GRM4: variants seen among roughly 807,000 people sequenced by gnomAD.
The protein encoded by GRM4 is glutamate metabotropic receptor 4, also known as metabotropic glutamate receptor 4.
Under a neutral mutation model 81.7 loss-of-function variants are expected in GRM4, and 28 were observed. The observed-to-expected ratio is 0.34, with a 90% CI of 0.25 to 0.47. The LOEUF is 0.47. GRM4 is among the 20% of genes least tolerant of loss of function. The pLI, the probability that GRM4 is intolerant of heterozygous loss-of-function variation, is 1.00. For missense variants in GRM4, 948 were observed against 1,290.0 expected (o/e 0.73, Z 4.06); for synonymous variants, 488 against 528.8 (o/e 0.92, Z 1.06).
At chr6:34,151,317 C>G (rs1267506361) in intron 1 of GRM4, among the ~76,000 whole-genome samples, 2 of 152,188 alleles carry the variant, frequency 1.3e-5, no homozygotes, top group Non-Finnish European at 2.9e-5. Context: ...CCTCCTCCTT[C>G]TCTCTCTTGG....
In GRM4 at chr6:34,075,078, C is replaced by T. The variant is rs753151535; in HGVS notation, c.737-13050G>A. Among the ~76,000 whole-genome samples the T allele has an allele frequency of 5.3e-5, 8 of 152,342 alleles. No individual in the cohort carries two copies. In the East Asian group the frequency reaches 5.8e-4, roughly 11 times the overall value. On this transcript the variant is annotated intron_variant, in intron 3 of 10. Transcript: ENST00000538487. The stretch of plus-strand genomic sequence containing the variant: ...GCTGAGTGTGGGACAGGGTCCCTAC[C>T]GAGGTCATGCCCTGGTCTGACCCGC...
At chr6:34,091,329 G>T (rs1768195594) in intron 3 of GRM4, among the ~76,000 whole-genome samples, 1 of 152,174 alleles carries the variant, frequency 6.6e-6, no homozygotes. Flanking sequence ...TGGCATCAGG[G>T]TACGAGGGGG....
In GRM4 at chr6:34,066,754, G is replaced by A. The variant is rs541460449; in HGVS notation, c.737-4726C>T. Among the ~76,000 whole-genome samples, 3 of 152,124 alleles carry A rather than the reference G, an allele frequency of 2.0e-5. No individual in the cohort carries two copies. The South Asian group carries it at 6.2e-4, about 32-fold the overall frequency. On this transcript the variant is annotated intron_variant, in intron 3 of 10. Coordinates refer to ENST00000538487, the MANE Select transcript of GRM4 (RefSeq NM_000841.4). ...TTTTATTTCTTTAAAAAAATAATCA[G>A]AATCAAGCAGATGTGGCAACATGGG...
In GRM4 at chr6:34,111,117, ACAC is replaced by A. The variant is rs1769362948; in HGVS notation, c.520-19021_520-19019del. On this transcript the variant is annotated intron_variant, in intron 2 of 10. Transcript: ENST00000538487. The surrounding 1 kb of genome is among the most constrained non-coding windows in gnomAD (Gnocchi z 5.1). ...GAGGAGACACACACAGGCCACATAC[ACAC>A]ACACACACACACACACACACACACA... is the stretch of plus-strand genomic sequence containing the variant. 3.3e-5 allele frequency: 1 copy of A among 30,516 alleles called. No individual in the cohort carries two copies. The highest frequency in any genetic ancestry group is 7.6e-5 in the Non-Finnish European group (1 of 13,090). The allele number at this position is 30,516 out of a possible 1,614,324, so 1.9% of individuals were successfully genotyped here.
chr6:34,033,153 C>T (rs1000016850), intron 9 of GRM4, among the ~76,000 whole-genome samples: 76 of 152,288 alleles, frequency 5.0e-4, no homozygotes, highest in African/African-American at 1.7e-3. Flanking sequence ...CAGCATGGGC[C>T]GGGCGCCATG....
At chr6:34,125,036 C>T (rs1404863689) in intron 2 of GRM4, among the ~76,000 whole-genome samples, 1 of 152,050 alleles carries the variant, frequency 6.6e-6, no homozygotes, top group Non-Finnish European at 1.5e-5. Context: ...TGCGGTGGCG[C>T]TATCTCTGCT....
rs1416990931 is a variant in GRM4 at position 34,036,134 on chromosome 6, A to G, written c.1976T>C (p.Leu659Pro). ...LGTCSLRRIF[L>P]GLGMSISYAA... The stretch of plus-strand genomic sequence containing the variant: ...ATAGCTGATGCTCATCCCTAGTCCC[A>G]GGAAGATTCGGCGCAGCGAGCAGGT... Residue 659 changes from leucine to proline, a missense_variant, in exon 9 of 11, where the codon CTG becomes CCG. Coordinates refer to ENST00000538487, the MANE Select transcript of GRM4 (RefSeq NM_000841.4). This position sits in a 1 kb window ranked among gnomAD's most constrained non-coding sequence, Gnocchi z 9.0. The G allele has an allele frequency of 6.2e-7, 1 of 1,614,130 alleles. No individual in the cohort carries two copies. The highest frequency in any genetic ancestry group is 8.5e-7 in the Non-Finnish European group (1 of 1,180,058).
intron 2 of GRM4, among the ~76,000 whole-genome samples, chr6:34,099,584 G>A (rs1019479218): frequency 5.3e-5 from 8 of 152,142 alleles, no homozygotes; most frequent in African/African-American, 9.7e-5. Context: ...AGCAGTCCCC[G>A]GCCTTCAGCC....
At position 34,106,458 on chromosome 6, in the gene GRM4, T is replaced by G. The variant is rs561344877; in HGVS notation, c.520-14359A>C. 2.3e-3 allele frequency among the ~76,000 whole-genome samples: 276 copies of G among 121,092 alleles called. 2 individuals carry two copies. The highest frequency in any genetic ancestry group is 0.013 in the South Asian group (50 of 3,846). The allele number at this position is 121,092 out of a possible 152,430, so 79.4% of individuals were successfully genotyped here. ...GAAAGAAAAAACAGAGGCTCCCTTC[T>G]CATAGAGTGAAAACCACAGCTTTCA... On this transcript the variant is annotated intron_variant, in intron 2 of 10. Transcript: ENST00000538487.
chr6:34,146,802 C>A (rs1581744813), upstream of GRM4, among the ~76,000 whole-genome samples: 2 of 152,174 alleles, frequency 1.3e-5, no homozygotes, highest in African/African-American at 4.8e-5. Context: ...ACTCGGCCAA[C>A]CCTAATTTCT....
At position 34,028,151 on chromosome 6, in the gene GRM4, CT is replaced by C; in HGVS notation, c.2657del (p.Lys886SerfsTer71). 1.2e-6 allele frequency: 2 copies of C among 1,613,864 alleles called. No individual in the cohort carries two copies. Among genetic ancestry groups the C allele is most frequent in the South Asian group, 2.2e-5 (2 of 91,066 alleles). On this transcript the variant is annotated frameshift_variant, in exon 10 of 11. Coordinates refer to ENST00000538487, the MANE Select transcript of GRM4 (RefSeq NM_000841.4). LOFTEE classifies it high-confidence loss of function. ...CCTCAAGGTTCTCGCAGAGCTCAGA[CT>C]TGGCCTCTCCGTTGGGCCGGAAGTT... ...KGNFRPNGEA[K>X]SELCENLEAP...
chr6:34,103,622 G>A (rs1768959702), intron 2 of GRM4: 1 of 1,535,566 alleles, frequency 6.5e-7, no homozygotes, highest in East Asian at 2.4e-5. Context: ...CTTGTCAACA[G>A]TGATCTGTGG....
chr6:34,079,950 C>T (rs1767502217), intron 3 of GRM4, among the ~76,000 whole-genome samples: 1 of 152,172 alleles, frequency 6.6e-6, no homozygotes, highest in African/African-American at 2.4e-5. Flanking sequence ...TGCTCCTGAC[C>T]CTCCAACGGC....
chr6:34,085,753 A>G (rs554104112), intron 3 of GRM4, among the ~76,000 whole-genome samples: 2 of 152,348 alleles, frequency 1.3e-5, no homozygotes, highest in East Asian at 1.9e-4. Context: ...ACCATATACA[A>G]ACAAATAAAA....
In GRM4 at chr6:34,023,000, C is replaced by T; in HGVS notation, c.2690-130G>A. 2 of 761,384 alleles carry T rather than the reference C, an allele frequency of 2.6e-6. No homozygotes were observed. The highest frequency in any genetic ancestry group is 5.2e-5 in the East Asian group (2 of 38,506). 47.2% of individuals were successfully genotyped at this position (761,384 alleles called of 1,614,324 possible). ...GCCTCTCATGGCATCCAGTCCTGAG[C>T]TGAGCAATCGACACTGCCCCAAACT... On this transcript the variant is annotated intron_variant, in intron 10 of 10. Coordinates refer to ENST00000538487, the MANE Select transcript of GRM4 (RefSeq NM_000841.4). This position sits in a 1 kb window ranked among gnomAD's most constrained non-coding sequence, Gnocchi z 5.6.
exon 1 of GRM4, chr6:34,155,169 C>A (rs577158119): frequency 5.5e-5 from 85 of 1,535,084 alleles, no homozygotes; most frequent in Admixed American, 4.7e-4. Context: ...CGGATTCGTG[C>A]GCGGCCAGGC....
intron 2 of GRM4, among the ~76,000 whole-genome samples, chr6:34,125,364 G>A (rs1769983089): frequency 6.6e-6 from 1 of 152,062 alleles, no homozygotes; most frequent in South Asian, 2.1e-4. Flanking sequence ...GGAGGAAGCA[G>A]GCTTGAGAGG....
chr6:34,101,004 C>T (rs1379853876), intron 2 of GRM4, among the ~76,000 whole-genome samples: 4 of 152,198 alleles, frequency 2.6e-5, no homozygotes, highest in Admixed American at 2.0e-4. Context: ...GTTATGGCAG[C>T]ATCACCTCAC....
intron 2 of GRM4, among the ~76,000 whole-genome samples, chr6:34,116,941 C>T (rs1460688154): frequency 6.6e-6 from 1 of 152,004 alleles, no homozygotes; most frequent in Non-Finnish European, 1.5e-5. Context: ...GATTCTGTTA[C>T]GTGAGGCTCA....
Sources: allele counts gnomAD v4.1 joint callset (sites outside exome capture counted in the v4.1 genomes callset), GRCh38; gene constraint gnomAD v4.1.1; non-coding constraint Gnocchi (gnomAD v3.1); transcripts MANE v1.5; gene names NCBI Gene and HGNC (gene_info 2026-07-23, HGNC 2026-07-21).